Variants in SLC6A11 observed in about 807,000 individuals in gnomAD.
SLC6A11 encodes sodium- and chloride-dependent GABA transporter 3.
Under a neutral mutation model 74.8 loss-of-function variants are expected in SLC6A11, and 25 were observed. The observed-to-expected ratio is 0.33, with a 90% CI of 0.24 to 0.47. The LOEUF (loss-of-function observed/expected upper bound fraction) is 0.47. Among genes scored for constraint, SLC6A11 ranks in the 20% least tolerant of loss-of-function variants. SLC6A11 has a pLI of 1.00. For missense variants in SLC6A11, 574 were observed against 837.0 expected, an observed-to-expected ratio of 0.69 and a Z score of 3.88; for synonymous variants, 330 against 330.2, an observed-to-expected ratio of 1.00 and a Z score of 0.01.
chr3:10,860,989 G>A (rs562512275), intron 5 of SLC6A11, among the ~76,000 whole-genome samples: 1 of 152,280 alleles, frequency 6.6e-6, no homozygotes, highest in Non-Finnish European at 1.5e-5. Context: ...CAGTACATTG[G>A]TGGCTCCTAA....
At chr3:10,899,776 G>T (rs996731760) in intron 6 of SLC6A11, among the ~76,000 whole-genome samples, 4 of 152,218 alleles carry the variant, frequency 2.6e-5, no homozygotes, top group African/African-American at 9.7e-5. Flanking sequence ...TGTCCCTTGT[G>T]TTTGATGTGA....
intron 2 of SLC6A11, 46 bp downstream of exon 2, chr3:10,819,645 T>C (rs1400644034): frequency 6.2e-7 from 1 of 1,609,898 alleles, no homozygotes. Context: ...CCAGGGAATG[T>C]CAACTGCAAA....
intron 5 of SLC6A11, among the ~76,000 whole-genome samples, chr3:10,856,117 A>G (rs1056384536): frequency 4.6e-5 from 7 of 152,196 alleles, no homozygotes; most frequent in South Asian, 4.1e-4. Flanking sequence ...CACTCAACCA[A>G]TTGCTCTTCT....
At chr3:10,929,432 G>T (rs751632756) in intron 10 of SLC6A11, 93 bp downstream of exon 10, 2 of 1,385,392 alleles carry the variant, frequency 1.4e-6, no homozygotes, top group African/African-American at 1.4e-5. Flanking sequence ...CCCGGGTCAG[G>T]TCTAGTGCCC....
chr3:10,843,117 T>A lies in SLC6A11; in HGVS notation c.624-1097T>A, dbSNP rs535649434. Among the ~76,000 whole-genome samples the A allele has an allele frequency of 7.2e-5, 11 of 152,202 alleles. No individual in the cohort carries two copies. In the East Asian group the frequency reaches 1.7e-3, roughly 24 times the overall value. On this transcript the variant is annotated intron_variant, in intron 4 of 13. Coordinates refer to ENST00000254488, the MANE Select transcript of SLC6A11 (RefSeq NM_014229.3). ...GAGGGGGTTTGTGTTGGTGCCATAG[T>A]TCTGCACAATATGGAGCGTGGCGAG... is the stretch of plus-strand genomic sequence containing the variant.
chr3:10,918,973 G>A lies in SLC6A11; in HGVS notation c.1120+520G>A, dbSNP rs779294224. ...TGGCCCCACCAGCCTCACCACCTAC[G>A]ATTCCCCCACACTCACTCGGTCCCA... On this transcript the variant is annotated intron_variant, in intron 8 of 13. Coordinates refer to ENST00000254488, the MANE Select transcript of SLC6A11 (RefSeq NM_014229.3). The surrounding 1 kb of genome is among the most constrained non-coding windows in gnomAD (Gnocchi z 4.5). 1.3e-5 allele frequency among the ~76,000 whole-genome samples: 2 copies of A among 151,896 alleles called. No individual in the cohort carries two copies. The highest frequency in any genetic ancestry group is 6.6e-5 in the Admixed American group (1 of 15,246).
chr3:10,889,869 A>AC (rs1695087330), intron 6 of SLC6A11, among the ~76,000 whole-genome samples: 1 of 152,096 alleles, frequency 6.6e-6, no homozygotes, highest in South Asian at 2.1e-4. Flanking sequence ...TGTTGGGGCC[A>AC]CCCACCTGCC....
At chr3:10,840,664 G>T (rs1200658923) in intron 4 of SLC6A11, among the ~76,000 whole-genome samples, 1 of 152,220 alleles carries the variant, frequency 6.6e-6, no homozygotes, top group East Asian at 1.9e-4. Flanking sequence ...GCTTTAATTT[G>T]TTAAGAAGGG....
intron 4 of SLC6A11, among the ~76,000 whole-genome samples, chr3:10,826,257 C>A (rs1170238079): frequency 6.6e-6 from 1 of 152,226 alleles, no homozygotes; most frequent in Non-Finnish European, 1.5e-5. Flanking sequence ...CTACCCCAGG[C>A]CTACTGAATC....
chr3:10,933,760 C>T (rs1298216748), intron 11 of SLC6A11, among the ~76,000 whole-genome samples: 1 of 152,226 alleles, frequency 6.6e-6, no homozygotes, highest in Non-Finnish European at 1.5e-5. Flanking sequence ...TCAAAATCCT[C>T]ATCCCCACCC....
intron 5 of SLC6A11, among the ~76,000 whole-genome samples, chr3:10,848,957 T>G (rs1694539136): frequency 6.6e-6 from 1 of 152,254 alleles, no homozygotes; most frequent in Admixed American, 6.5e-5. Flanking sequence ...CTGCCTTCCT[T>G]CAGCCCAGTC....
chr3:10,835,434 A>C (rs1427963882), intron 4 of SLC6A11, among the ~76,000 whole-genome samples: 1 of 152,052 alleles, frequency 6.6e-6, no homozygotes, highest in Non-Finnish European at 1.5e-5. Flanking sequence ...TCCGTCTCTC[A>C]CCTTCCCCTT....
At chr3:10,883,792 G>A (rs914233005) in intron 6 of SLC6A11, among the ~76,000 whole-genome samples, 1 of 152,046 alleles carries the variant, frequency 6.6e-6, no homozygotes, top group East Asian at 1.9e-4. Flanking sequence ...TGTCCATATC[G>A]ACATCAACAC....
intron 5 of SLC6A11, among the ~76,000 whole-genome samples, chr3:10,853,592 G>T (rs1164686637): frequency 1.3e-5 from 2 of 152,120 alleles, no homozygotes; most frequent in Non-Finnish European, 2.9e-5. Context: ...ATCAGAAGGG[G>T]CAGGCTGGGA....
chr3:10,839,436 G>T (rs530563386), intron 4 of SLC6A11, among the ~76,000 whole-genome samples: 1 of 152,168 alleles, frequency 6.6e-6, no homozygotes, highest in African/African-American at 2.4e-5. Flanking sequence ...GGCCTGCAGC[G>T]TTTGCAGGTC....
chr3:10,885,662 A>G (rs2106612072), intron 6 of SLC6A11, among the ~76,000 whole-genome samples: 1 of 151,342 alleles, frequency 6.6e-6, no homozygotes, highest in East Asian at 1.9e-4. Flanking sequence ...ACCCTGCCCT[A>G]GGACATGGTT....
intron 4 of SLC6A11, among the ~76,000 whole-genome samples, chr3:10,826,351 C>T (rs960701597): frequency 2.0e-5 from 3 of 152,278 alleles, no homozygotes; most frequent in African/African-American, 7.2e-5. Context: ...TTTCCCAGTC[C>T]CATTGGGTTG....
intron 5 of SLC6A11, among the ~76,000 whole-genome samples, chr3:10,849,744 T>C (rs1694548132): frequency 7.6e-6 from 1 of 131,370 alleles, no homozygotes; most frequent in South Asian, 2.5e-4. Flanking sequence ...TACAGCAATA[T>C]TAGGGTTTTG....
At chr3:10,884,731 G>A (rs1220561040) in intron 6 of SLC6A11, among the ~76,000 whole-genome samples, 1 of 152,122 alleles carries the variant, frequency 6.6e-6, no homozygotes, top group African/African-American at 2.4e-5. Context: ...TTAGCCTTGG[G>A]CAGCTTTAAT....
Sources: allele counts gnomAD v4.1 joint callset (sites outside exome capture counted in the v4.1 genomes callset), GRCh38; gene constraint gnomAD v4.1.1; non-coding constraint Gnocchi (gnomAD v3.1); transcripts MANE v1.5; gene names NCBI Gene and HGNC (gene_info 2026-07-23, HGNC 2026-07-21).